The following AKT3 variants were observed in gnomAD, a reference collection of about 807,000 sequenced individuals.
AKT3 encodes the protein AKT serine/threonine kinase 3, also known as RAC-gamma serine/threonine-protein kinase.
Under a neutral mutation model 65.3 loss-of-function variants are expected in AKT3, and 15 were observed. That is an observed-to-expected ratio of 0.23 (90% CI 0.15 to 0.35). The LOEUF is 0.35. Among genes scored for constraint, AKT3 ranks in the 10% least tolerant of loss-of-function variants. The probability of loss-of-function intolerance (pLI) is 1.00; values close to 1 mark genes in which losing one functional copy is unlikely to be tolerated. For synonymous variants in AKT3, 206 were observed against 183.8 expected (o/e 1.12, Z -0.98); for missense variants, 243 against 576.5 (o/e 0.42, Z 5.92).
chr1:243,667,464 T>C (rs1558699988), intron 3 of AKT3, among the ~76,000 whole-genome samples: 1 of 152,112 alleles, frequency 6.6e-6, no homozygotes. Flanking sequence ...CTTGGAGTCC[T>C]CTCTTCCCTG....
At chr1:243,490,732 G>T (rs1303860163) in intron 13 of AKT3, among the ~76,000 whole-genome samples, 1 of 152,192 alleles carries the variant, frequency 6.6e-6, no homozygotes, top group Non-Finnish European at 1.5e-5. Flanking sequence ...ATCTTCAGAG[G>T]GTCCTGGGAG....
At chr1:243,677,616 A>G (rs1683609535) in intron 3 of AKT3, among the ~76,000 whole-genome samples, 2 of 152,144 alleles carry the variant, frequency 1.3e-5, no homozygotes, top group Non-Finnish European at 1.5e-5. Flanking sequence ...AACAGCTCTA[A>G]TACTTGAGAT....
intron 5 of AKT3, among the ~76,000 whole-genome samples, chr1:243,643,555 CAAAG>C (rs2147837322): frequency 6.6e-6 from 1 of 152,282 alleles, no homozygotes; most frequent in East Asian, 1.9e-4. Context: ...TTAATTCAAA[CAAAG>C]AAGAGCACTT....
chr1:243,760,350 C>T (rs1394418576), intron 2 of AKT3, among the ~76,000 whole-genome samples: 1 of 119,274 alleles, frequency 8.4e-6, no homozygotes, highest in Non-Finnish European at 1.6e-5. Flanking sequence ...TAGTCTTGAA[C>T]TCCTAGTCTC....
At chr1:243,640,573 G>T (rs1680301079) in intron 5 of AKT3, among the ~76,000 whole-genome samples, 1 of 152,172 alleles carries the variant, frequency 6.6e-6, no homozygotes, top group Non-Finnish European at 1.5e-5. Flanking sequence ...TATCCTGCTG[G>T]AGAGAGAGGC....
chr1:243,779,304 C>T (rs1690759461), intron 2 of AKT3, among the ~76,000 whole-genome samples: 1 of 152,060 alleles, frequency 6.6e-6, no homozygotes, highest in Non-Finnish European at 1.5e-5. Context: ...TATTGTCAAA[C>T]CGTCTCTAAA....
chr1:243,753,927 C>T (rs1342735317), intron 2 of AKT3, among the ~76,000 whole-genome samples: 1 of 152,170 alleles, frequency 6.6e-6, no homozygotes, highest in Non-Finnish European at 1.5e-5. Context: ...AATAATGTGA[C>T]ATAGGTTAGC....
At chr1:243,742,317 T>G in intron 2 of AKT3, among the ~76,000 whole-genome samples, 1 of 152,172 alleles carries the variant, frequency 6.6e-6, no homozygotes, top group East Asian at 1.9e-4. Flanking sequence ...AGAATCGGAT[T>G]TTATGTAAAT....
intron 7 of AKT3, among the ~76,000 whole-genome samples, chr1:243,614,401 T>C (rs1450067330): frequency 6.6e-6 from 1 of 152,150 alleles, no homozygotes; most frequent in Non-Finnish European, 1.5e-5. Context: ...TTATTTTTCA[T>C]CTCAATATAG....
At chr1:243,673,665 G>C (rs1300605035) in intron 3 of AKT3, among the ~76,000 whole-genome samples, 1 of 144,856 alleles carries the variant, frequency 6.9e-6, no homozygotes, top group South Asian at 2.2e-4. Flanking sequence ...CCAGGCTGGA[G>C]TGCAGTGGCG....
intron 11 of AKT3, among the ~76,000 whole-genome samples, chr1:243,550,026 A>C (rs1672938511): frequency 6.6e-6 from 1 of 152,178 alleles, no homozygotes; most frequent in Non-Finnish European, 1.5e-5. Context: ...TATACTCTAC[A>C]TGTAAATTTC....
At chr1:243,647,906 C>T (rs1309354822) in intron 4 of AKT3, among the ~76,000 whole-genome samples, 4 of 151,950 alleles carry the variant, frequency 2.6e-5, no homozygotes, top group African/African-American at 7.3e-5. Context: ...ACTTAATCAA[C>T]TAAGTTCTAT....
chr1:243,647,380 T>G (rs911304675), intron 4 of AKT3, among the ~76,000 whole-genome samples: 2 of 152,178 alleles, frequency 1.3e-5, no homozygotes, highest in Non-Finnish European at 2.9e-5. Flanking sequence ...TTGTAAACTG[T>G]GAGCAACAGG....
Position 243,672,064 on chromosome 1 carries a change from T to C in AKT3, c.173-7181A>G, listed in dbSNP as rs1312538156. On this transcript the variant is annotated intron_variant, in intron 3 of 13. Coordinates refer to ENST00000673466, the MANE Select transcript of AKT3 (RefSeq NM_005465.7). The stretch of plus-strand genomic sequence containing the variant: ...CATATAAGCAAATCCAGGATAAGTT[T>C]CAACTGATAACAGTGTTTGAGCGGG... Among the ~76,000 whole-genome samples the C allele has an allele frequency of 2.0e-5, 3 of 152,306 alleles. No homozygotes were observed. In the East Asian group the frequency reaches 5.8e-4, roughly 29 times the overall value.
In AKT3 at chr1:243,843,295, A is replaced by AT; in HGVS notation, c.-112-14dup. ...GTGATGACTCAGCCTGGAAGGAAGT[A>AT]TTGAAGAAAGAATTTTTTTTCCATT... On this transcript the variant is annotated splice_polypyrimidine_tract_variant and intron_variant, in intron 1 of 13. Transcript: ENST00000673466. The AT allele has an allele frequency of 7.1e-7, 1 of 1,405,154 alleles. No individual in the cohort carries two copies. The highest frequency in any genetic ancestry group is 9.3e-7 in the Non-Finnish European group (1 of 1,072,122). 87.0% of individuals were successfully genotyped at this position (1,405,154 alleles called of 1,614,324 possible).
At chr1:243,605,660 G>A (rs145100203) in intron 8 of AKT3, among the ~76,000 whole-genome samples, 130 of 152,150 alleles carry the variant, frequency 8.5e-4, no homozygotes, top group African/African-American at 2.1e-3. Flanking sequence ...CAATACGACC[G>A]TAAGAAGTTA....
intron 12 of AKT3, among the ~76,000 whole-genome samples, chr1:243,520,351 G>A (rs1207197943): frequency 6.6e-6 from 1 of 152,154 alleles, no homozygotes; most frequent in Admixed American, 6.5e-5. Context: ...CTTGATCTTG[G>A]ACTTTCGCCA....
chr1:243,772,806 G>C (rs1429540333), intron 2 of AKT3, among the ~76,000 whole-genome samples: 1 of 152,136 alleles, frequency 6.6e-6, no homozygotes, highest in Non-Finnish European at 1.5e-5. Flanking sequence ...AACAATGACA[G>C]ACTGGATTAA....
chr1:243,768,854 C>T (rs559539861), intron 2 of AKT3, among the ~76,000 whole-genome samples: 1 of 150,044 alleles, frequency 6.7e-6, no homozygotes, highest in East Asian at 2.0e-4. Flanking sequence ...AAAAAGAGAG[C>T]GATAGTTCAC....
Sources: allele counts gnomAD v4.1 joint callset (sites outside exome capture counted in the v4.1 genomes callset), GRCh38; gene constraint gnomAD v4.1.1; transcripts MANE v1.5; gene names NCBI Gene and HGNC (gene_info 2026-07-23, HGNC 2026-07-21).